CLIP3: variants seen among roughly 807,000 people sequenced by gnomAD.
CLIP3 encodes the protein CAP-Gly domain-containing linker protein 3.
In CLIP3, 15 loss-of-function variants were observed where a neutral mutation model predicts 59.4. That is an observed-to-expected ratio of 0.25 (90% CI 0.17 to 0.39). The LOEUF (loss-of-function observed/expected upper bound fraction) is 0.39, where lower values mean the gene tolerates loss of function less well. CLIP3 is among the 10% of genes least tolerant of loss of function. The pLI is 1.00. For missense variants in CLIP3, 495 were observed against 765.7 expected (o/e 0.65, Z 4.17); for synonymous variants, 300 against 321.6 (o/e 0.93, Z 0.72).
At position 36,032,361 on chromosome 19, in the gene CLIP3, C is replaced by T; in HGVS notation, c.-4G>A. 6 of 1,245,048 alleles carry T rather than the reference C, an allele frequency of 4.8e-6. No individual in the cohort carries two copies. Among genetic ancestry groups the T allele is most frequent in the Non-Finnish European group, 6.1e-6 (6 of 983,968 alleles). 77.1% of individuals were successfully genotyped at this position (1,245,048 alleles called of 1,614,324 possible). A position where few individuals can be genotyped will look rare whatever the true frequency, so the allele number is the denominator to read the frequency against. On this transcript the variant is annotated 5_prime_UTR_variant, in exon 2 of 14. Transcript: ENST00000360535. This position sits in a 1 kb window ranked among gnomAD's most constrained non-coding sequence, Gnocchi z 4.3. ...GGGCAGGATCTGTCTTAGTCATGGT[C>T]CTCGGTGGCCCTCGGGGGGCGGGTG...
chr19:36,026,896 T>C lies in CLIP3; in HGVS notation c.400+56A>G. The C allele has an allele frequency of 6.6e-7, 1 of 1,525,322 alleles. No individual in the cohort carries two copies. Among genetic ancestry groups the C allele is most frequent in the Non-Finnish European group, 8.8e-7 (1 of 1,139,612 alleles). The allele number at this position is 1,525,322 out of a possible 1,614,324, so 94.5% of individuals were successfully genotyped here. A position where few individuals can be genotyped will look rare whatever the true frequency, so the allele number is the denominator to read the frequency against. ...TGAGTTCTGGGTGGTTTTCAGCGTG[T>C]TGGGTCTGGGGGCCTAGGCTTTGGG... On this transcript the variant is annotated intron_variant, in intron 4 of 13. Transcript: ENST00000360535. The surrounding 1 kb of genome is among the most constrained non-coding windows in gnomAD (Gnocchi z 6.3).
chr19:36,032,226 G>A lies in CLIP3; in HGVS notation c.132C>T (p.His44=). The A allele has an allele frequency of 1.5e-6, 2 of 1,308,310 alleles. No homozygotes were observed. The highest frequency in any genetic ancestry group is 3.5e-5 in the Admixed American group (1 of 28,756). 81.0% of individuals were successfully genotyped at this position (1,308,310 alleles called of 1,614,324 possible). Residue 44 remains histidine, a synonymous_variant, in exon 2 of 14, where the codon CAC becomes CAT. Coordinates refer to ENST00000360535, the MANE Select transcript of CLIP3 (RefSeq NM_015526.3). The surrounding 1 kb of genome is among the most constrained non-coding windows in gnomAD (Gnocchi z 4.3). Reference sequence around the variant, plus strand: ...TAGGGAGGGGGGCAGGTGCCGAGGGGTGCACAACAGGCTTCTGCCGGCGCT... The same window carrying A: ...TAGGGAGGGGGGCAGGTGCCGAGGGATGCACAACAGGCTTCTGCCGGCGCT... ...TQERRQKPVV[H]PSAPAPLPKD...
chr19:36,029,817 C>T (rs1969210414), intron 2 of CLIP3, among the ~76,000 whole-genome samples: 1 of 152,062 alleles, frequency 6.6e-6, no homozygotes, highest in African/African-American at 2.4e-5. Flanking sequence ...TACATGATTT[C>T]CTCTTGGAGT....
At chr19:36,027,300 C>G (rs1299325602) in intron 2 of CLIP3, 29 bp from the exon 3 acceptor site, 2 of 1,569,868 alleles carry the variant, frequency 1.3e-6, no homozygotes, top group South Asian at 1.2e-5. Flanking sequence ...CAAGGTCACC[C>G]CACGCAACTG....
In CLIP3 at chr19:36,022,793, C is replaced by T. The variant is rs915095328; in HGVS notation, c.918+1603G>A. ...ATAAAAGGCCAGGCGCGGTGGCTCACGCCTGTAATCCCAGCACTTTGGGAG... is the reference window on the plus strand; with the variant it reads ...ATAAAAGGCCAGGCGCGGTGGCTCATGCCTGTAATCCCAGCACTTTGGGAG... On this transcript the variant is annotated intron_variant, in intron 7 of 13. Coordinates refer to ENST00000360535, the MANE Select transcript of CLIP3 (RefSeq NM_015526.3). 3.3e-5 allele frequency among the ~76,000 whole-genome samples: 5 copies of T among 152,068 alleles called. No individual in the cohort carries two copies. The South Asian group carries it at 1.0e-3, about 32-fold the overall frequency.
Position 36,032,118 on chromosome 19 carries a change from C to T in CLIP3, c.166+74G>A. The T allele has an allele frequency of 2.4e-6, 2 of 832,832 alleles. No homozygotes were observed. The highest frequency in any genetic ancestry group is 3.3e-6 in the Non-Finnish European group (2 of 608,796). The allele number at this position is 832,832 out of a possible 1,614,324, so 51.6% of individuals were successfully genotyped here. ...CCCCAGAATTCTCCCACCATCACCA[C>T]CAGCAGAGCACAGCCCACCCTCCCC... On this transcript the variant is annotated intron_variant, in intron 2 of 13. Coordinates refer to ENST00000360535, the MANE Select transcript of CLIP3 (RefSeq NM_015526.3). The surrounding 1 kb of genome is among the most constrained non-coding windows in gnomAD (Gnocchi z 4.3).
At chr19:36,017,528 T>C in intron 11 of CLIP3, 78 bp from the exon 12 acceptor site, 1 of 1,603,204 alleles carries the variant, frequency 6.2e-7, no homozygotes, top group Non-Finnish European at 8.5e-7. Context: ...CCCAGGGATC[T>C]ATGAGGAAAG....
chr19:36,019,598 A>AT lies in CLIP3; in HGVS notation c.919-293dup, dbSNP rs200645934. On this transcript the variant is annotated intron_variant, in intron 7 of 13. Transcript: ENST00000360535. Reference sequence around the variant, plus strand: ...ACAATGTAAATTTATTTATTTATTTATTTTATTTATTTTTTTTTTTTTCGA... The same window carrying AT: ...ACAATGTAAATTTATTTATTTATTTATTTTTATTTATTTTTTTTTTTTTCGA... Among the ~76,000 whole-genome samples the AT allele has an allele frequency of 1.2e-4, 12 of 99,426 alleles. 1 individual carries two copies. The South Asian group carries it at 2.8e-3, about 23-fold the overall frequency. 65.2% of individuals were successfully genotyped at this position (99,426 alleles called of 152,430 possible).
intron 7 of CLIP3, among the ~76,000 whole-genome samples, chr19:36,019,845 C>T (rs868463544): frequency 2.2e-4 from 34 of 151,744 alleles, no homozygotes; most frequent in African/African-American, 8.0e-4. Context: ...TCAGGTGATC[C>T]ACCCGCCTCG....
intron 7 of CLIP3, among the ~76,000 whole-genome samples, chr19:36,024,186 C>T (rs1426564984): frequency 1.3e-5 from 2 of 152,204 alleles, no homozygotes; most frequent in African/African-American, 4.8e-5. Flanking sequence ...CGGGTTGTTT[C>T]CCACCCTGGA....
rs1969097997 is a variant in CLIP3 at position 36,026,088 on chromosome 19, G to C, written c.681+59C>G. 3.8e-6 allele frequency: 5 copies of C among 1,307,746 alleles called. No homozygotes were observed. The South Asian group carries it at 6.0e-5, about 16-fold the overall frequency. The allele number at this position is 1,307,746 out of a possible 1,614,324, so 81.0% of individuals were successfully genotyped here. A position where few individuals can be genotyped will look rare whatever the true frequency, so the allele number is the denominator to read the frequency against. On this transcript the variant is annotated intron_variant, in intron 6 of 13. Transcript: ENST00000360535. The surrounding 1 kb of genome is among the most constrained non-coding windows in gnomAD (Gnocchi z 6.3). ...ACGGGAAACGCAGAGACCTGCTGGA[G>C]GGAAGTGGGGGAGGAAGGGAGCAGG...
intron 7 of CLIP3, among the ~76,000 whole-genome samples, chr19:36,023,712 T>A (rs999920489): frequency 4.6e-5 from 7 of 151,788 alleles, no homozygotes; most frequent in African/African-American, 1.5e-4. Flanking sequence ...AGCCCAGAAA[T>A]CATCTCAACC....
chr19:36,026,165 G>T lies in CLIP3; in HGVS notation c.663C>A (p.Gly221=), dbSNP rs1439266354. ...LGAAKCLLEH[G]ANPALRNRKG... is the part of the protein sequence containing the mutation. ...GCAGTACCCTCAGCGCAGGGTTGGCGCCGTGCTCCAGCAAACATTTGGCGG... is the reference window on the plus strand; with the variant it reads ...GCAGTACCCTCAGCGCAGGGTTGGCTCCGTGCTCCAGCAAACATTTGGCGG... Residue 221 remains glycine (G), a synonymous_variant, in exon 6 of 14, where the codon GGC becomes GGA. Coordinates refer to ENST00000360535, the MANE Select transcript of CLIP3 (RefSeq NM_015526.3). The surrounding 1 kb of genome is among the most constrained non-coding windows in gnomAD (Gnocchi z 6.3). 1 of 1,613,628 alleles carries T rather than the reference G, an allele frequency of 6.2e-7. No homozygotes were observed. The highest frequency in any genetic ancestry group is 1.7e-5 in the Admixed American group (1 of 60,012).
At position 36,019,124 on chromosome 19, in the gene CLIP3, G is replaced by C. The variant is rs369498195; in HGVS notation, c.1054+47C>G. 7 of 1,611,302 alleles carry C rather than the reference G, an allele frequency of 4.3e-6. No homozygotes were observed. The Admixed American group carries it at 5.0e-5, about 12-fold the overall frequency. ...CCCAGTCAGCAGCATCAGAACTGCC[G>C]AGTGGACACCCAGCCACACCCCTCT... On this transcript the variant is annotated intron_variant, in intron 8 of 13. Coordinates refer to ENST00000360535, the MANE Select transcript of CLIP3 (RefSeq NM_015526.3).
Position 36,024,555 on chromosome 19 carries a change from C to G in CLIP3, c.759G>C (p.Leu253=), listed in dbSNP as rs1568542462. 15 of 1,614,158 alleles carry G rather than the reference C, an allele frequency of 9.3e-6. No homozygotes were observed. The highest frequency in any genetic ancestry group is 1.1e-5 in the South Asian group (1 of 91,096). The change falls in exon 7 of 14, where the codon CTG becomes CTC. Residue 253 remains leucine, a synonymous_variant. Transcript: ENST00000360535. ...GAAGCGTCCGCAGCTCCTTGGCCAC[C>G]AGTGCCGCCTCTGCCTTGTCCAGGG... ...DMSLDKAEAA[L]VAKELRTLLE...
chr19:36,022,122 C>T lies in CLIP3; in HGVS notation c.918+2274G>A, dbSNP rs113063697. ...GTCTCGATCTCCTGACCTCGTGATC[C>T]GCCCACCTCTGCCTCCCAAAGTGCT... On this transcript the variant is annotated intron_variant, in intron 7 of 13. Coordinates refer to ENST00000360535, the MANE Select transcript of CLIP3 (RefSeq NM_015526.3). Among the ~76,000 whole-genome samples, 1,262 of 152,102 alleles carry T rather than the reference C, an allele frequency of 8.3e-3. 15 individuals carry two copies. The highest frequency in any genetic ancestry group is 0.029 in the African/African-American group (1,209 of 41,468).
In CLIP3 at chr19:36,017,765, G is replaced by C; in HGVS notation, c.1341C>G (p.Gly447=). 1 of 1,614,152 alleles carries C rather than the reference G, an allele frequency of 6.2e-7. No homozygotes were observed. The highest frequency in any genetic ancestry group is 2.2e-5 in the East Asian group (1 of 44,884). The part of the protein sequence containing the change: ...KTDFAPGYWY[G]IELDQPTGKH... ...TGCCTGTGGGCTGGTCCAGCTCAAT[G>C]CCATACCAGTAACCTGCAGCACGAG... The change falls in exon 11 of 14, where the codon GGC becomes GGG. Residue 447 remains glycine (G), a synonymous_variant. Coordinates refer to ENST00000360535, the MANE Select transcript of CLIP3 (RefSeq NM_015526.3).
At chr19:36,030,906 T>G (rs1161397970) in intron 2 of CLIP3, among the ~76,000 whole-genome samples, 2 of 152,090 alleles carry the variant, frequency 1.3e-5, no homozygotes, top group East Asian at 1.9e-4. Context: ...AAATGTTACC[T>G]ACTCAGAAAG....
intron 2 of CLIP3, among the ~76,000 whole-genome samples, chr19:36,031,564 C>G (rs542641037): frequency 1.3e-5 from 2 of 152,120 alleles, no homozygotes; most frequent in South Asian, 4.2e-4. Flanking sequence ...AGCTCCATAC[C>G]CTCCTACCTC....
Sources: gnomAD v4.1 joint callset for allele counts (sites outside exome capture counted in the v4.1 genomes callset) on GRCh38, gnomAD v4.1.1 for gene constraint, Gnocchi (gnomAD v3.1) non-coding constraint, MANE v1.5 for transcripts, NCBI Gene and HGNC (gene_info 2026-07-23, HGNC 2026-07-21) for gene names.